Variants in B3GALT1 observed in about 807,000 individuals in gnomAD.
B3GALT1 encodes beta-1,3-galactosyltransferase 1, also known as UDP-Gal:betaGlcNAc beta 1,3-galactosyltransferase, polypeptide 1.
Under a neutral mutation model 23.2 loss-of-function variants are expected in B3GALT1, and 10 were observed. The observed-to-expected ratio is 0.43, with a 90% CI of 0.27 to 0.73. B3GALT1 has a LOEUF of 0.73. Ranked by LOEUF, B3GALT1 falls within the 30% of genes least tolerant of loss-of-function variation. The probability of loss-of-function intolerance (pLI) is 0.21; values close to 1 mark genes in which losing one functional copy is unlikely to be tolerated. For synonymous variants in B3GALT1, 156 were observed against 141.5 expected (o/e 1.10, Z -0.73); for missense variants, 299 against 405.4 (o/e 0.74, Z 2.25).
In B3GALT1 at chr2:167,556,706, T is replaced by C. The variant is rs577236958; in HGVS notation, c.-410+66429T>C. Among the ~76,000 whole-genome samples, 4 of 152,320 alleles carry C rather than the reference T, an allele frequency of 2.6e-5. 1 individual carries two copies. The highest frequency in any genetic ancestry group is 9.6e-5 in the African/African-American group (4 of 41,586). ...GTAGACTATTCATCCCTCATTTTCA[T>C]TGGTCAAGGATGCCCTTAATTGGAA... On this transcript the variant is annotated intron_variant, in intron 2 of 4. Transcript: ENST00000392690.
chr2:167,643,645 T>TA (rs1558934899), intron 2 of B3GALT1, among the ~76,000 whole-genome samples: 1 of 152,136 alleles, frequency 6.6e-6, no homozygotes, highest in African/African-American at 2.4e-5. Flanking sequence ...GTCATCATGC[T>TA]AAATGGGAGA....
At chr2:167,579,209 C>T (rs1227100455) in intron 2 of B3GALT1, among the ~76,000 whole-genome samples, 14 of 151,996 alleles carry the variant, frequency 9.2e-5, no homozygotes, top group Admixed American at 9.2e-4. Context: ...TGAATTTGTT[C>T]AACCTTATGA....
chr2:167,736,650 C>G (rs962109673), intron 3 of B3GALT1, among the ~76,000 whole-genome samples: 5 of 152,156 alleles, frequency 3.3e-5, no homozygotes, highest in Non-Finnish European at 5.9e-5. Flanking sequence ...GCCTGGACTC[C>G]CAGCACTTTG....
In B3GALT1 at chr2:167,791,122, C is replaced by T. The variant is rs539282505; in HGVS notation, c.-351-27550C>T. 9.2e-5 allele frequency among the ~76,000 whole-genome samples: 14 copies of T among 152,208 alleles called. No homozygotes were observed. In the South Asian group the frequency reaches 2.5e-3, roughly 27 times the overall value. On this transcript the variant is annotated intron_variant, in intron 3 of 4. Transcript: ENST00000392690. ...GGCTGTGGTCTAAGTGTTTTATAAA[C>T]ATTAGCACATTTAATCCTCATGAAA...
chr2:167,345,972 T>C (rs1204421387), intron 1 of B3GALT1, among the ~76,000 whole-genome samples: 1 of 151,968 alleles, frequency 6.6e-6, no homozygotes. Flanking sequence ...TTTTCCAGCT[T>C]ACTTTAGCAC....
intron 3 of B3GALT1, among the ~76,000 whole-genome samples, chr2:167,744,606 T>C (rs75176604): frequency 6.6e-6 from 1 of 152,138 alleles, no homozygotes; most frequent in African/African-American, 2.4e-5. Context: ...CTTTTTTTTT[T>C]CTGAGACAGA....
At chr2:167,390,994 ATATT>A (rs1434565326) in intron 1 of B3GALT1, among the ~76,000 whole-genome samples, 1 of 152,232 alleles carries the variant, frequency 6.6e-6, no homozygotes, top group Non-Finnish European at 1.5e-5. Context: ...AGACAGGTCT[ATATT>A]TATTCCCAAA....
chr2:167,446,453 G>C (rs1482142850), intron 1 of B3GALT1, among the ~76,000 whole-genome samples: 4 of 152,216 alleles, frequency 2.6e-5, no homozygotes, highest in Non-Finnish European at 5.9e-5. Context: ...ATATCGTGCA[G>C]AGTGTTTTCC....
chr2:167,715,128 A>G, intron 3 of B3GALT1: 1 of 1,613,874 alleles, frequency 6.2e-7, no homozygotes, highest in South Asian at 1.1e-5. Flanking sequence ...AGTTTCTTCA[A>G]AGCTCCTTTG....
chr2:167,381,962 C>T (rs916478323), intron 1 of B3GALT1, among the ~76,000 whole-genome samples: 13 of 152,186 alleles, frequency 8.5e-5, no homozygotes, highest in African/African-American at 2.9e-4. Flanking sequence ...TTGGGCATAA[C>T]CTACTACTTC....
intron 2 of B3GALT1, among the ~76,000 whole-genome samples, chr2:167,586,526 C>T (rs1161526299): frequency 2.6e-5 from 4 of 152,148 alleles, no homozygotes; most frequent in Non-Finnish European, 5.9e-5. Flanking sequence ...GTCTCGATCT[C>T]CTGACCTTGT....
chr2:167,714,266 T>C (rs7577697), intron 3 of B3GALT1: 462,115 of 1,442,170 alleles, frequency 0.32, 84,682 homozygotes, highest in African/African-American at 0.57. Context: ...CCTACGGTCC[T>C]GTTCCCATGG....
Position 167,582,937 on chromosome 2 carries a change from T to C in B3GALT1, c.-409-63972T>C, listed in dbSNP as rs551274642. On this transcript the variant is annotated intron_variant, in intron 2 of 4. Transcript: ENST00000392690. Reference sequence around the variant, plus strand: ...ACCTCACAGCTCAGCATTCCTGCCATATTGGCACTGAAAGAGCCATGGGCT... The same window carrying C: ...ACCTCACAGCTCAGCATTCCTGCCACATTGGCACTGAAAGAGCCATGGGCT... Among the ~76,000 whole-genome samples, 9 of 152,312 alleles carry C rather than the reference T, an allele frequency of 5.9e-5. No homozygotes were observed. The South Asian group carries it at 1.7e-3, about 28-fold the overall frequency.
intron 1 of B3GALT1, among the ~76,000 whole-genome samples, chr2:167,323,328 T>A (rs924532956): frequency 1.3e-5 from 2 of 152,152 alleles, no homozygotes; most frequent in African/African-American, 4.8e-5. Context: ...TCTGTGTCTG[T>A]ATTATAAAAT....
chr2:167,503,684 T>C (rs1474252258), intron 2 of B3GALT1, among the ~76,000 whole-genome samples: 1 of 152,166 alleles, frequency 6.6e-6, no homozygotes, highest in East Asian at 1.9e-4. Context: ...GAACAGCTTA[T>C]TCATTCTTCA....
At chr2:167,315,271 G>T (rs929792890) in intron 1 of B3GALT1, among the ~76,000 whole-genome samples, 1 of 152,152 alleles carries the variant, frequency 6.6e-6, no homozygotes, top group Non-Finnish European at 1.5e-5. Context: ...GGTCCTGGAA[G>T]AGTTGTTAAT....
chr2:167,767,354 G>A (rs1687996052), intron 3 of B3GALT1, among the ~76,000 whole-genome samples: 1 of 152,050 alleles, frequency 6.6e-6, no homozygotes, highest in Non-Finnish European at 1.5e-5. Flanking sequence ...TTTCTTTGCG[G>A]CATTGTCCCC....
At chr2:167,443,514 A>T (rs533733944) in intron 1 of B3GALT1, among the ~76,000 whole-genome samples, 1 of 152,024 alleles carries the variant, frequency 6.6e-6, no homozygotes, top group East Asian at 1.9e-4. Flanking sequence ...TGAGCATGGA[A>T]TATTCTTCCA....
intron 2 of B3GALT1, among the ~76,000 whole-genome samples, chr2:167,555,105 A>G (rs1683819959): frequency 6.6e-6 from 1 of 152,214 alleles, no homozygotes; most frequent in Admixed American, 6.5e-5. Context: ...ATGGGAATGC[A>G]TAGGACTGCT....
Sources: allele counts gnomAD v4.1 joint callset (sites outside exome capture counted in the v4.1 genomes callset), GRCh38; gene constraint gnomAD v4.1.1; transcripts MANE v1.5; gene names NCBI Gene and HGNC (gene_info 2026-07-23, HGNC 2026-07-21).